The following SRGAP1 variants were observed in gnomAD, a reference collection of about 807,000 sequenced individuals.
SRGAP1 encodes the protein SLIT-ROBO Rho GTPase-activating protein 1.
SRGAP1 carries 43 observed loss-of-function variants against 121.9 expected under a neutral mutation model. The ratio of observed to expected loss-of-function variants is 0.35; its 90% CI spans 0.28 to 0.46. SRGAP1 has a LOEUF of 0.46. Among genes scored for constraint, SRGAP1 ranks in the 20% least tolerant of loss-of-function variants. The pLI is 1.00. For missense variants in SRGAP1, 1,102 were observed against 1,350.9 expected (o/e 0.82, Z 2.89); for synonymous variants, 447 against 485.4 (o/e 0.92, Z 1.04).
At chr12:64,068,495 C>T (rs71433760) in intron 8 of SRGAP1, among the ~76,000 whole-genome samples, 150,164 of 150,222 alleles carry the variant, frequency 1, 75,053 homozygotes, top group Middle Eastern at 1. Context: ...CCACCGTGCC[C>T]GGCTGATTTT....
chr12:64,081,596 A>G (rs2035842576), intron 10 of SRGAP1: 1 of 152,184 alleles, frequency 6.6e-6, no homozygotes, highest in African/African-American at 2.4e-5. Context: ...AAAAGTTATG[A>G]AAGACATTTT....
At chr12:64,078,894 G>A (rs139218033) in intron 8 of SRGAP1, 25 bp from the exon 9 acceptor site, 25 of 1,604,232 alleles carry the variant, frequency 1.6e-5, no homozygotes, top group South Asian at 1.2e-4. Context: ...ATGTACTAAC[G>A]TGAGAAATGT....
intron 18 of SRGAP1, among the ~76,000 whole-genome samples, chr12:64,125,084 GCTA>G (rs1234160891): frequency 3.3e-5 from 5 of 152,102 alleles, no homozygotes; most frequent in African/African-American, 1.2e-4. Flanking sequence ...GAACCCTTGT[GCTA>G]CCTTTTGTAG....
At position 64,162,162 on chromosome 12, in the gene SRGAP1, G is replaced by A. The variant is rs148444658; in HGVS notation, c.*19490G>A. 1.3e-5 allele frequency: 2 copies of A among 152,164 alleles called. No individual in the cohort carries two copies. Among genetic ancestry groups the A allele is most frequent in the African/African-American group, 4.8e-5 (2 of 41,432 alleles). 9.4% of individuals were successfully genotyped at this position (152,164 alleles called of 1,614,324 possible). ...TTCATTGTGTGATAACTACACATCT[G>A]TAAATATACTAAAAACCACTGAATT... On this transcript the variant is annotated 3_prime_UTR_variant, in exon 22 of 22. Transcript: ENST00000355086.
rs772477220 is a variant in SRGAP1, at chr12:64,046,671, G to A, written c.801+3096G>A. Among the ~76,000 whole-genome samples the A allele has an allele frequency of 1.4e-4, 21 of 152,226 alleles. No homozygotes were observed. In the South Asian group the frequency reaches 4.4e-3, roughly 32 times the overall value. On this transcript the variant is annotated intron_variant, in intron 6 of 21. Coordinates refer to ENST00000355086, the MANE Select transcript of SRGAP1 (RefSeq NM_020762.4). ...CCCCAGGGGAGAAGCAGGCTGAAGCGGGAGCAGTAGTCCTGCTATGTCTGA... is the reference window on the plus strand; with the variant it reads ...CCCCAGGGGAGAAGCAGGCTGAAGCAGGAGCAGTAGTCCTGCTATGTCTGA...
intron 1 of SRGAP1, among the ~76,000 whole-genome samples, chr12:63,949,041 TC>T (rs555132849): frequency 6.9e-6 from 1 of 145,622 alleles, no homozygotes; most frequent in East Asian, 2.0e-4. Flanking sequence ...ATATGTATTT[TC>T]CATATATGTA....
intron 3 of SRGAP1, among the ~76,000 whole-genome samples, chr12:64,014,112 A>C (rs2034334121): frequency 6.6e-6 from 1 of 152,260 alleles, no homozygotes; most frequent in South Asian, 2.1e-4. Flanking sequence ...ATTAACACTT[A>C]CAAGAACCTT....
intron 10 of SRGAP1, among the ~76,000 whole-genome samples, chr12:64,086,553 G>GTCTAAGGA (rs2035942527): frequency 6.6e-6 from 1 of 152,060 alleles, no homozygotes; most frequent in East Asian, 1.9e-4. Context: ...CACCAACTTA[G>GTCTAAGGA]TCTAAGGAAA....
intron 1 of SRGAP1, among the ~76,000 whole-genome samples, chr12:63,861,304 T>TATATATATA (rs201402664): frequency 9.5e-6 from 1 of 105,784 alleles, no homozygotes; most frequent in East Asian, 3.0e-4. Context: ...ATATATATAT[T>TATATATATA]TTTTTTTTTT....
Position 64,001,021 on chromosome 12 carries a change from A to G in SRGAP1, c.426+10949A>G, listed in dbSNP as rs12299779. On this transcript the variant is annotated intron_variant, in intron 3 of 21. Transcript: ENST00000355086. ...GAAAATATCACAATATGAAAATAAAATATGAGTTTTCAAACAAACTTGCTG... is the reference window on the plus strand; with the variant it reads ...GAAAATATCACAATATGAAAATAAAGTATGAGTTTTCAAACAAACTTGCTG... Among the ~76,000 whole-genome samples the G allele has an allele frequency of 7.6e-3, 1,161 of 152,328 alleles. 12 individuals are homozygous for G. The highest frequency in any genetic ancestry group is 0.025 in the African/African-American group (1,036 of 41,574).
chr12:64,056,549 CAAAAAA>C (rs1273579087), intron 6 of SRGAP1, among the ~76,000 whole-genome samples: 1 of 60,060 alleles, frequency 1.7e-5, no homozygotes, highest in South Asian at 7.0e-4. Flanking sequence ...TGAGACTCCA[CAAAAAA>C]AAAAAAAAAA....
At chr12:64,061,009 G>A (rs945849933) in intron 6 of SRGAP1, among the ~76,000 whole-genome samples, 4 of 152,120 alleles carry the variant, frequency 2.6e-5, no homozygotes, top group East Asian at 1.9e-4. Context: ...ACCTGGTTTT[G>A]TAACTTTAAA....
intron 1 of SRGAP1, among the ~76,000 whole-genome samples, chr12:63,922,986 C>T (rs1034231108): frequency 6.6e-6 from 1 of 152,192 alleles, no homozygotes. Flanking sequence ...GTAGCATCTT[C>T]TCTAGGATAT....
chr12:63,970,143 T>C (rs1378615333), intron 1 of SRGAP1, among the ~76,000 whole-genome samples: 1 of 152,166 alleles, frequency 6.6e-6, no homozygotes, highest in Non-Finnish European at 1.5e-5. Context: ...CAGGGAAATT[T>C]AACAGAGAGG....
chr12:63,990,146 T>TC (rs1396578915), intron 3 of SRGAP1, 74 bp downstream of exon 3: 1 of 1,213,560 alleles, frequency 8.2e-7, no homozygotes, highest in Non-Finnish European at 1.1e-6. Context: ...GAGAACGGTA[T>TC]CTGAAAAATT....
At chr12:63,988,019 G>A (rs901677842) in intron 2 of SRGAP1, among the ~76,000 whole-genome samples, 1 of 152,152 alleles carries the variant, frequency 6.6e-6, no homozygotes, top group Non-Finnish European at 1.5e-5. Flanking sequence ...GCTAGTAAGG[G>A]GTAGTCCTGC....
chr12:64,158,054 T>C lies in SRGAP1; in HGVS notation c.*15382T>C, dbSNP rs2037178247. ...TGGCAAGGGAGGCCAGGAAATGTCA[T>C]CTTCCTATAATGCAAGAAAAAGAAC... On this transcript the variant is annotated 3_prime_UTR_variant, in exon 22 of 22. Transcript: ENST00000355086. 6.6e-6 allele frequency: 1 copy of C among 152,308 alleles called. No homozygotes were observed. The highest frequency in any genetic ancestry group is 2.1e-4 in the South Asian group (1 of 4,832). The allele number at this position is 152,308 out of a possible 1,614,324, so 9.4% of individuals were successfully genotyped here.
At chr12:64,139,217 T>C (rs935864317) in intron 21 of SRGAP1, among the ~76,000 whole-genome samples, 4 of 152,168 alleles carry the variant, frequency 2.6e-5, no homozygotes, top group Admixed American at 6.5e-5. Context: ...ACCACACACA[T>C]ACATCATATT....
At chr12:63,944,451 T>A (rs1293402183) in intron 1 of SRGAP1, among the ~76,000 whole-genome samples, 1 of 152,210 alleles carries the variant, frequency 6.6e-6, no homozygotes, top group Non-Finnish European at 1.5e-5. Flanking sequence ...ACTAATGCCC[T>A]CATGACCCAA....
Sources: gnomAD v4.1 joint callset for allele counts (sites outside exome capture counted in the v4.1 genomes callset) on GRCh38, gnomAD v4.1.1 for gene constraint, MANE v1.5 for transcripts, NCBI Gene and HGNC (gene_info 2026-07-23, HGNC 2026-07-21) for gene names.